RABGAP1L: variants seen among roughly 807,000 people sequenced by gnomAD.
RABGAP1L encodes RAB GTPase activating protein 1 like.
A neutral mutation model predicts 137.7 loss-of-function variants in RABGAP1L; 63 were observed. That is an observed-to-expected ratio of 0.46 (90% CI 0.37 to 0.56). The LOEUF (loss-of-function observed/expected upper bound fraction) is 0.56. RABGAP1L is among the 20% of genes least tolerant of loss of function. The probability of loss-of-function intolerance (pLI) is 0.00; values close to 1 mark genes in which losing one functional copy is unlikely to be tolerated. For missense variants in RABGAP1L, 1,095 were observed against 1,244.0 expected (o/e 0.88, Z 1.80); for synonymous variants, 431 against 433.7 (o/e 0.99, Z 0.08).
At chr1:174,874,196 C>T (rs996440582) in intron 19 of RABGAP1L, among the ~76,000 whole-genome samples, 3 of 151,436 alleles carry the variant, frequency 2.0e-5, no homozygotes, top group African/African-American at 7.3e-5. Context: ...TAAACCTATT[C>T]GATAGGTTCT....
intron 11 of RABGAP1L, among the ~76,000 whole-genome samples, chr1:174,351,099 A>G (rs1180158232): frequency 2.1e-4 from 12 of 57,878 alleles, no homozygotes; most frequent in Admixed American, 3.9e-4. Flanking sequence ...GGGGAGGGGG[A>G]GGGGTTGTTT....
chr1:174,616,694 C>T (rs377057327), intron 13 of RABGAP1L, among the ~76,000 whole-genome samples: 17 of 152,206 alleles, frequency 1.1e-4, no homozygotes, highest in African/African-American at 3.9e-4. Flanking sequence ...CACTCCATTG[C>T]GGTTGAGAAT....
chr1:174,208,697 A>G (rs1015521514), intron 1 of RABGAP1L, among the ~76,000 whole-genome samples: 1 of 152,198 alleles, frequency 6.6e-6, no homozygotes, highest in Non-Finnish European at 1.5e-5. Context: ...TAATGTCATT[A>G]TAGATATGGA....
chr1:174,278,707 C>G lies in RABGAP1L; in HGVS notation c.1251C>G (p.Tyr417Ter), dbSNP rs936455151. The G allele has an allele frequency of 6.3e-7, 1 of 1,596,004 alleles. No individual in the cohort carries two copies. The highest frequency in any genetic ancestry group is 8.5e-7 in the Non-Finnish European group (1 of 1,174,996). ...RFLLETVVRV[Y>*]PANERFWYFS... ...TCCTGGAGACAGTAGTCCGTGTGTA[C>G]CCTGCAAATGAGCGATTTTGGTATT... Residue 417 changes from tyrosine to a stop codon, truncating the protein, a stop_gained, in exon 10 of 26, where the codon TAC becomes TAG. Coordinates refer to ENST00000681986, the MANE Select transcript of RABGAP1L (RefSeq NM_001366446.1). LOFTEE classifies it high-confidence loss of function.
chr1:174,178,587 GC>G (rs1166074112), intron 1 of RABGAP1L, among the ~76,000 whole-genome samples: 17 of 152,146 alleles, frequency 1.1e-4, no homozygotes, highest in South Asian at 4.1e-4. Context: ...GAACCCAGGT[GC>G]CCATCAGTGA....
At chr1:174,703,675 A>G (rs1679835274) in intron 17 of RABGAP1L, among the ~76,000 whole-genome samples, 1 of 152,130 alleles carries the variant, frequency 6.6e-6, no homozygotes, top group African/African-American at 2.4e-5. Flanking sequence ...ACTGTTTTCC[A>G]TAGAGGTTAT....
chr1:174,474,969 T>C (rs1658347465), intron 13 of RABGAP1L, among the ~76,000 whole-genome samples: 2 of 152,136 alleles, frequency 1.3e-5, no homozygotes, highest in African/African-American at 4.8e-5. Flanking sequence ...AATAAAGAAA[T>C]GACATATTAT....
chr1:174,811,524 T>A (rs1474846995), intron 18 of RABGAP1L, among the ~76,000 whole-genome samples: 1 of 152,208 alleles, frequency 6.6e-6, no homozygotes, highest in Non-Finnish European at 1.5e-5. Flanking sequence ...AGCCTTATTC[T>A]TTTCTCAGAG....
chr1:174,252,922 G>A (rs1201271187), intron 7 of RABGAP1L, among the ~76,000 whole-genome samples: 1 of 151,812 alleles, frequency 6.6e-6, no homozygotes, highest in African/African-American at 2.4e-5. Context: ...CTTAGCTGCT[G>A]GAATTTCAGA....
intron 14 of RABGAP1L, among the ~76,000 whole-genome samples, chr1:174,648,186 T>G (rs543234269): frequency 6.6e-6 from 1 of 152,050 alleles, no homozygotes; most frequent in African/African-American, 2.4e-5. Context: ...TTTTGAAGGG[T>G]TTTTCATGTC....
At chr1:174,779,203 T>A (rs1413435504) in intron 18 of RABGAP1L, among the ~76,000 whole-genome samples, 1 of 152,200 alleles carries the variant, frequency 6.6e-6, no homozygotes, top group African/African-American at 2.4e-5. Flanking sequence ...CTTTATCTCA[T>A]ATATCATCTC....
At chr1:174,958,111 CTCTG>C (rs1668768359) in intron 20 of RABGAP1L, 2 of 1,508,384 alleles carry the variant, frequency 1.3e-6, no homozygotes, top group South Asian at 2.4e-5. Context: ...TCAAACTTGC[CTCTG>C]TCTGTAGAAA....
intron 10 of RABGAP1L, among the ~76,000 whole-genome samples, chr1:174,281,879 C>T (rs1675594664): frequency 6.6e-6 from 1 of 152,226 alleles, no homozygotes; most frequent in African/African-American, 2.4e-5. Flanking sequence ...TAATCTTTCT[C>T]ACCTTCAGCC....
intron 19 of RABGAP1L, among the ~76,000 whole-genome samples, chr1:174,924,967 A>C (rs1662466175): frequency 6.6e-6 from 1 of 152,214 alleles, no homozygotes; most frequent in South Asian, 2.1e-4. Context: ...TAGGGTAGTA[A>C]GGGTAGATTT....
In RABGAP1L at chr1:174,283,026, C is replaced by T. The variant is rs1206180854; in HGVS notation, c.1323+4247C>T. 2.0e-5 allele frequency among the ~76,000 whole-genome samples: 3 copies of T among 152,176 alleles called. No individual in the cohort carries two copies. In the East Asian group the frequency reaches 5.8e-4, roughly 29 times the overall value. The stretch of plus-strand genomic sequence containing the variant: ...AAAGTCTGTGTTGTAAGCTTCCCAA[C>T]CTTTCTCATTCTTAGTTTTATTTGT... On this transcript the variant is annotated intron_variant, in intron 10 of 25. Coordinates refer to ENST00000681986, the MANE Select transcript of RABGAP1L (RefSeq NM_001366446.1).
At chr1:174,547,828 G>A (rs1320341821) in intron 13 of RABGAP1L, 1 of 1,499,620 alleles carries the variant, frequency 6.7e-7, no homozygotes, top group Admixed American at 2.0e-5. Flanking sequence ...TATTTATTTT[G>A]TCTTTTAGCA....
chr1:174,467,058 T>C (rs1657382365), intron 13 of RABGAP1L, among the ~76,000 whole-genome samples: 1 of 152,238 alleles, frequency 6.6e-6, no homozygotes, highest in Non-Finnish European at 1.5e-5. Context: ...CCCACAGAAA[T>C]TAAATATAGT....
intron 15 of RABGAP1L, among the ~76,000 whole-genome samples, chr1:174,684,509 A>G (rs1174288820): frequency 6.6e-6 from 1 of 152,214 alleles, no homozygotes; most frequent in Non-Finnish European, 1.5e-5. Context: ...GGAAATTGTG[A>G]AGACTTTGTA....
chr1:174,181,519 A>G (rs1299840003), intron 1 of RABGAP1L, among the ~76,000 whole-genome samples: 4 of 151,732 alleles, frequency 2.6e-5, no homozygotes, highest in African/African-American at 4.8e-5. Context: ...TTGTATTTTT[A>G]GTAGAGATGG....
Sources: allele counts gnomAD v4.1 joint callset (sites outside exome capture counted in the v4.1 genomes callset), GRCh38; gene constraint gnomAD v4.1.1; transcripts MANE v1.5; gene names NCBI Gene and HGNC (gene_info 2026-07-23, HGNC 2026-07-21).